VAV3: variants seen among roughly 807,000 people sequenced by gnomAD.
The protein encoded by VAV3 is guanine nucleotide exchange factor VAV3.
A neutral mutation model predicts 131.2 loss-of-function variants in VAV3; 94 were observed. The ratio of observed to expected loss-of-function variants is 0.72; its 90% CI spans 0.61 to 0.85. The LOEUF (loss-of-function observed/expected upper bound fraction) is 0.85, where lower values mean the gene tolerates loss of function less well. Ranked by LOEUF, VAV3 falls within the 40% of genes least tolerant of loss-of-function variation. The probability of loss-of-function intolerance (pLI) is 0.00; values close to 1 mark genes in which losing one functional copy is unlikely to be tolerated. For missense variants in VAV3, 939 were observed against 1,002.7 expected, an observed-to-expected ratio of 0.94 and a Z score of 0.86; for synonymous variants, 349 against 342.0, an observed-to-expected ratio of 1.02 and a Z score of -0.22.
chr1:107,871,350 G>C (rs1489912532), intron 2 of VAV3, among the ~76,000 whole-genome samples: 2 of 139,690 alleles, frequency 1.4e-5, no homozygotes, highest in African/African-American at 5.6e-5. Flanking sequence ...CCCCCCACCA[G>C]ACCTCAGCAG....
intron 1 of VAV3, among the ~76,000 whole-genome samples, chr1:107,877,393 G>A (rs147284385): frequency 1.1e-4 from 16 of 152,060 alleles, no homozygotes; most frequent in African/African-American, 3.6e-4. Flanking sequence ...CACACACCAC[G>A]CTCTGAAGAT....
At chr1:107,853,291 T>C (rs779418077) in intron 2 of VAV3, among the ~76,000 whole-genome samples, 1 of 152,162 alleles carries the variant, frequency 6.6e-6, no homozygotes, top group Non-Finnish European at 1.5e-5. Flanking sequence ...ACCAAGATAA[T>C]AACAGAATGG....
chr1:107,881,628 G>A (rs1435645501), intron 1 of VAV3, among the ~76,000 whole-genome samples: 2 of 152,144 alleles, frequency 1.3e-5, no homozygotes, highest in East Asian at 1.9e-4. Flanking sequence ...TGAATAGCTC[G>A]CTTATTTCAA....
chr1:107,638,296 C>T (rs1014964140), intron 20 of VAV3, among the ~76,000 whole-genome samples: 3 of 152,136 alleles, frequency 2.0e-5, no homozygotes, highest in Non-Finnish European at 2.9e-5. Context: ...ATCTGCTGGA[C>T]TCTACAAAAG....
At chr1:107,901,206 C>A (rs1671840984) in intron 1 of VAV3, among the ~76,000 whole-genome samples, 1 of 152,160 alleles carries the variant, frequency 6.6e-6, no homozygotes, top group Non-Finnish European at 1.5e-5. Flanking sequence ...TTAAAAAGCA[C>A]TAGGAAGCAA....
At chr1:107,746,143 G>A (rs1435489134) in intron 15 of VAV3, among the ~76,000 whole-genome samples, 1 of 152,162 alleles carries the variant, frequency 6.6e-6, no homozygotes, top group Non-Finnish European at 1.5e-5. Context: ...ATTTTTATGA[G>A]CATCAGACAG....
intron 1 of VAV3, among the ~76,000 whole-genome samples, chr1:107,884,623 A>G (rs1241142602): frequency 6.6e-6 from 1 of 151,108 alleles, no homozygotes; most frequent in African/African-American, 2.4e-5. Context: ...TTTATTTTTT[A>G]TTTTTTTGTA....
At chr1:107,835,925 C>T (rs1376183989) in intron 2 of VAV3, among the ~76,000 whole-genome samples, 1 of 152,156 alleles carries the variant, frequency 6.6e-6, no homozygotes, top group Non-Finnish European at 1.5e-5. Flanking sequence ...TCAGGCTGCC[C>T]CTAAGGGAAG....
chr1:107,877,180 A>C (rs574147416), intron 1 of VAV3, among the ~76,000 whole-genome samples: 1 of 152,184 alleles, frequency 6.6e-6, no homozygotes, highest in Non-Finnish European at 1.5e-5. Context: ...ACTTTAAAAA[A>C]TTCATAAGAG....
chr1:107,922,422 T>C (rs1308481777), intron 1 of VAV3, among the ~76,000 whole-genome samples: 4 of 152,176 alleles, frequency 2.6e-5, no homozygotes, highest in African/African-American at 4.8e-5. Context: ...CTGAGTACAC[T>C]GTGAGATTTA....
chr1:107,858,403 A>C (rs1011908316), intron 2 of VAV3, among the ~76,000 whole-genome samples: 2 of 152,204 alleles, frequency 1.3e-5, no homozygotes, highest in Non-Finnish European at 2.9e-5. Flanking sequence ...GAAAAATTTA[A>C]GTCAGATACC....
chr1:107,631,799 A>C (rs1485110982), intron 20 of VAV3, among the ~76,000 whole-genome samples: 1 of 151,888 alleles, frequency 6.6e-6, no homozygotes, highest in Non-Finnish European at 1.5e-5. Flanking sequence ...CCTACAAAGG[A>C]CATGAACTCA....
At chr1:107,843,633 T>C (rs1273628215) in intron 2 of VAV3, among the ~76,000 whole-genome samples, 2 of 151,614 alleles carry the variant, frequency 1.3e-5, no homozygotes, top group African/African-American at 4.8e-5. Context: ...ACCTCCACAT[T>C]ACCGAGGAAT....
At chr1:107,949,699 TTAATTGCTATATTTTA>T (rs1176558602) in intron 1 of VAV3, among the ~76,000 whole-genome samples, 5 of 152,206 alleles carry the variant, frequency 3.3e-5, no homozygotes, top group Non-Finnish European at 5.9e-5. Flanking sequence ...TGAGGATGAA[TTAATTGCTATATTTTA>T]CAGAATCCCA....
intron 25 of VAV3, among the ~76,000 whole-genome samples, chr1:107,579,438 T>A (rs78940004): frequency 2.2e-4 from 34 of 152,296 alleles, no homozygotes; most frequent in Non-Finnish European, 4.4e-4. Context: ...GTTTCCCCCC[T>A]GCAAGAACTC....
At chr1:107,837,927 T>C (rs941801547) in intron 2 of VAV3, among the ~76,000 whole-genome samples, 2 of 152,114 alleles carry the variant, frequency 1.3e-5, no homozygotes, top group African/African-American at 4.8e-5. Flanking sequence ...CCTCAAACTG[T>C]AAAAATCCTA....
chr1:107,889,580 T>C (rs1671217847), intron 1 of VAV3, among the ~76,000 whole-genome samples: 1 of 152,110 alleles, frequency 6.6e-6, no homozygotes, highest in Admixed American at 6.5e-5. Context: ...TATACTATTA[T>C]GGCTGTTTAA....
At chr1:107,895,433 G>GT in intron 1 of VAV3, among the ~76,000 whole-genome samples, 1 of 152,142 alleles carries the variant, frequency 6.6e-6, no homozygotes, top group South Asian at 2.1e-4. Flanking sequence ...GTCTTACTCT[G>GT]TCAGACACTA....
At chr1:107,658,725 T>C (rs1656776394) in intron 19 of VAV3, among the ~76,000 whole-genome samples, 2 of 152,192 alleles carry the variant, frequency 1.3e-5, no homozygotes, top group Admixed American at 1.3e-4. Context: ...TTTCATGTGT[T>C]TTTTGGCTGC....
Sources: gnomAD v4.1 joint callset for allele counts (sites outside exome capture counted in the v4.1 genomes callset) on GRCh38, gnomAD v4.1.1 for gene constraint, MANE v1.5 for transcripts, NCBI Gene and HGNC (gene_info 2026-07-23, HGNC 2026-07-21) for gene names.